MTHFD1: variants seen among roughly 807,000 people sequenced by gnomAD.
MTHFD1 encodes the protein C-1-tetrahydrofolate synthase, cytoplasmic.
MTHFD1 carries 44 observed loss-of-function variants against 110.3 expected under a neutral mutation model. The observed-to-expected ratio is 0.40, with a 90% CI of 0.31 to 0.51. The LOEUF is 0.51. MTHFD1 is among the 20% of genes least tolerant of loss of function. The pLI is 0.60. For missense variants in MTHFD1, 909 were observed against 1,173.1 expected (o/e 0.77, Z 3.29); for synonymous variants, 402 against 428.8 (o/e 0.94, Z 0.77).
intron 1 of MTHFD1, among the ~76,000 whole-genome samples, chr14:64,400,346 C>T (rs987482308): frequency 6.6e-6 from 1 of 150,562 alleles, no homozygotes; most frequent in South Asian, 2.1e-4. Flanking sequence ...TGAGATCGCA[C>T]CATTGCACTC....
chr14:64,414,383 C>T (rs1211031174), intron 4 of MTHFD1, among the ~76,000 whole-genome samples: 1 of 145,660 alleles, frequency 6.9e-6, no homozygotes, highest in Non-Finnish European at 1.5e-5. Flanking sequence ...CCTCCGCTTC[C>T]TGGGTTCAAG....
intron 16 of MTHFD1, among the ~76,000 whole-genome samples, chr14:64,437,396 A>G (rs912322781): frequency 6.6e-6 from 1 of 152,184 alleles, no homozygotes; most frequent in East Asian, 1.9e-4. Flanking sequence ...TTGGCATTTG[A>G]TACTGAAATG....
At chr14:64,395,284 A>G (rs1387495754) in intron 1 of MTHFD1, among the ~76,000 whole-genome samples, 1 of 152,240 alleles carries the variant, frequency 6.6e-6, no homozygotes, top group Non-Finnish European at 1.5e-5. Flanking sequence ...ACTTCTTAAC[A>G]CACTTATGCC....
rs769038701 is a variant in MTHFD1 at position 64,442,174 on chromosome 14, T to G, written c.1996+9T>G. ...CCCAGAAGGGTTTGTAGGTTAGTGT[T>G]TTTTGCAAAACCAGTGAATAGACTG... On this transcript the variant is annotated intron_variant, in intron 20 of 27. Coordinates refer to ENST00000652337, the MANE Select transcript of MTHFD1 (RefSeq NM_005956.4). 1.9e-6 allele frequency: 3 copies of G among 1,613,958 alleles called. No individual in the cohort carries two copies. In the African/African-American group the frequency reaches 4.0e-5, roughly 22 times the overall value.
chr14:64,411,762 G>A (rs2077986703), intron 3 of MTHFD1, among the ~76,000 whole-genome samples: 1 of 152,146 alleles, frequency 6.6e-6, no homozygotes. Flanking sequence ...TTAGCTGGGT[G>A]TGGTGGCGCA....
At chr14:64,459,622 G>C in intron 27 of MTHFD1, 137 bp from the exon 28 acceptor site, 1 of 704,370 alleles carries the variant, frequency 1.4e-6, no homozygotes, top group East Asian at 2.7e-5. Context: ...ACACGCCCTA[G>C]AAGAGCTGGT....
intron 26 of MTHFD1, among the ~76,000 whole-genome samples, chr14:64,456,044 GAGA>G (rs2078467609): frequency 6.6e-6 from 1 of 152,198 alleles, no homozygotes; most frequent in Non-Finnish European, 1.5e-5. Context: ...GTTCTTTTTG[GAGA>G]AGTTGTCAGC....
intron 1 of MTHFD1, 102 bp downstream of exon 1, chr14:64,388,570 G>A (rs1203031622): frequency 2.9e-6 from 3 of 1,041,150 alleles, no homozygotes; most frequent in Non-Finnish European, 4.5e-6. Context: ...CACTTGTAGC[G>A]GAAGAGTTAG....
chr14:64,449,708 A>T lies in MTHFD1; in HGVS notation c.2457+86A>T, dbSNP rs10138064. Reference sequence around the variant, plus strand: ...GTGTGGCTACTTCTATTAGAGCCCCATGCTTCGCAGCTTCAGCCTTGCGGT... The same window carrying T: ...GTGTGGCTACTTCTATTAGAGCCCCTTGCTTCGCAGCTTCAGCCTTGCGGT... On this transcript the variant is annotated intron_variant, in intron 24 of 27. Transcript: ENST00000652337. The T allele has an allele frequency of 2.4e-4, 360 of 1,482,004 alleles. 1 individual carries two copies. The African/African-American group carries it at 4.2e-3, about 17-fold the overall frequency. 91.8% of individuals were successfully genotyped at this position (1,482,004 alleles called of 1,614,324 possible). A position where few individuals can be genotyped will look rare whatever the true frequency, so the allele number is the denominator to read the frequency against.
intron 1 of MTHFD1, among the ~76,000 whole-genome samples, chr14:64,393,913 C>T (rs1309268738): frequency 6.6e-6 from 1 of 152,034 alleles, no homozygotes; most frequent in Non-Finnish European, 1.5e-5. Flanking sequence ...GCTTGTGTGG[C>T]CTTGGAAAAG....
intron 17 of MTHFD1, 127 bp from the exon 18 acceptor site, chr14:64,439,999 G>T: frequency 1.4e-6 from 1 of 701,098 alleles, no homozygotes. Flanking sequence ...ATTTTGGGTA[G>T]TATTCTGTTA....
intron 21 of MTHFD1, among the ~76,000 whole-genome samples, chr14:64,442,803 A>T (rs185274347): frequency 6.6e-6 from 1 of 152,202 alleles, no homozygotes; most frequent in African/African-American, 2.4e-5. Context: ...CCCCTTCTTG[A>T]GTATACTGTT....
At chr14:64,446,007 G>A (rs1284186227) in intron 22 of MTHFD1, among the ~76,000 whole-genome samples, 2 of 152,044 alleles carry the variant, frequency 1.3e-5, no homozygotes, top group African/African-American at 4.8e-5. Context: ...ACCTATTTCT[G>A]CTTTTTTGGG....
At chr14:64,408,314 G>T (rs536729976) in intron 2 of MTHFD1, among the ~76,000 whole-genome samples, 46 of 144,078 alleles carry the variant, frequency 3.2e-4, no homozygotes, top group Middle Eastern at 3.5e-3. Context: ...TTGAGATGGA[G>T]TTTCACTCTT....
At chr14:64,427,641 G>A (rs28449701) in intron 12 of MTHFD1, among the ~76,000 whole-genome samples, 168 bp downstream of exon 12, 7,735 of 152,246 alleles carry the variant, frequency 0.051, 357 homozygotes, top group African/African-American at 0.13. Context: ...GCTGTCATTG[G>A]ATCTCCCCAG....
At position 64,458,245 on chromosome 14, in the gene MTHFD1, C is replaced by T; in HGVS notation, c.2750C>T (p.Pro917Leu). 1 of 1,613,216 alleles carries T rather than the reference C, an allele frequency of 6.2e-7. No individual in the cohort carries two copies. The highest frequency in any genetic ancestry group is 8.5e-7 in the Non-Finnish European group (1 of 1,179,472). ...ACAATGCCTGGACTCCCCACCCGGC[C>T]CTGTTTTTATGATATTGATTTGGAC... Reference protein sequence around the residue: ...MSTMPGLPTRPCFYDIDLDPE... With the variant: ...MSTMPGLPTRLCFYDIDLDPE... The change falls in exon 27 of 28, where the codon CCC becomes CTC. Residue 917 changes from proline (P) to leucine (L), a missense_variant. By Grantham distance (98) the Pro-to-Leu change is moderately conservative. Coordinates refer to ENST00000652337, the MANE Select transcript of MTHFD1 (RefSeq NM_005956.4).
chr14:64,439,987 G>T, intron 17 of MTHFD1, 139 bp from the exon 18 acceptor site: 1 of 576,202 alleles, frequency 1.7e-6, no homozygotes, highest in Non-Finnish European at 2.9e-6. Flanking sequence ...TTTTCATTAA[G>T]TATTTTGGGT....
intron 23 of MTHFD1, 46 bp from the exon 24 acceptor site, chr14:64,449,398 CT>C: frequency 1.3e-6 from 2 of 1,594,088 alleles, no homozygotes; most frequent in Non-Finnish European, 1.7e-6. Context: ...ACAATTCTGT[CT>C]CTCCAGCCAT....
intron 12 of MTHFD1, among the ~76,000 whole-genome samples, chr14:64,428,102 GTTTTTTTTTTTTTT>G (rs11289659): frequency 1.3e-5 from 1 of 74,686 alleles, no homozygotes; most frequent in East Asian, 3.9e-4. Context: ...AAGAACATGT[GTTTTTTTTTTTTTT>G]TTTTTTTTTT....
Sources: allele counts gnomAD v4.1 joint callset (sites outside exome capture counted in the v4.1 genomes callset), GRCh38; gene constraint gnomAD v4.1.1; transcripts MANE v1.5; gene names NCBI Gene and HGNC (gene_info 2026-07-23, HGNC 2026-07-21).